ADAM23: variants seen among roughly 807,000 people sequenced by gnomAD.
ADAM23 encodes disintegrin and metalloproteinase domain-containing protein 23.
ADAM23 carries 33 observed loss-of-function variants against 120.1 expected under a neutral mutation model. The ratio of observed to expected loss-of-function variants is 0.27; its 90% CI spans 0.21 to 0.37. The LOEUF is 0.37. Ranked by LOEUF, ADAM23 falls within the 10% of genes least tolerant of loss-of-function variation. The probability of loss-of-function intolerance (pLI) is 1.00; values close to 1 mark genes in which losing one functional copy is unlikely to be tolerated. For synonymous variants in ADAM23, 367 were observed against 375.2 expected, an observed-to-expected ratio of 0.98 and a Z score of 0.25; for missense variants, 862 against 1,058.2, an observed-to-expected ratio of 0.81 and a Z score of 2.57.
intron 21 of ADAM23, among the ~76,000 whole-genome samples, chr2:206,591,403 A>G (rs1698423579): frequency 6.6e-6 from 1 of 152,018 alleles, no homozygotes; most frequent in African/African-American, 2.4e-5. Context: ...TTCATGTATT[A>G]TTTTGTATTT....
chr2:206,449,587 G>A (rs1338379606), intron 2 of ADAM23, among the ~76,000 whole-genome samples: 1 of 152,158 alleles, frequency 6.6e-6, no homozygotes, highest in East Asian at 1.9e-4. Context: ...GGTCAATATG[G>A]TGAAACCCCA....
At chr2:206,507,173 T>C (rs547691290) in intron 3 of ADAM23, among the ~76,000 whole-genome samples, 1 of 152,254 alleles carries the variant, frequency 6.6e-6, no homozygotes, top group African/African-American at 2.4e-5. Flanking sequence ...ACATCCCATA[T>C]GATAAGTTGC....
At chr2:206,452,814 C>T (rs893676911) in intron 2 of ADAM23, among the ~76,000 whole-genome samples, 3 of 152,040 alleles carry the variant, frequency 2.0e-5, no homozygotes, top group Non-Finnish European at 4.4e-5. Context: ...CCTTGGGAGT[C>T]ATCTTTGACT....
At chr2:206,556,665 TATTA>T (rs1170875488) in intron 9 of ADAM23, among the ~76,000 whole-genome samples, 1 of 152,228 alleles carries the variant, frequency 6.6e-6, no homozygotes, top group East Asian at 1.9e-4. Context: ...AGAATTACTC[TATTA>T]ATTTACTTTT....
chr2:206,476,069 G>A (rs1695768421), intron 2 of ADAM23, among the ~76,000 whole-genome samples: 1 of 152,104 alleles, frequency 6.6e-6, no homozygotes, highest in African/African-American at 2.4e-5. Flanking sequence ...TCTGCTTACT[G>A]ACTTTTGCGG....
At chr2:206,502,602 A>G (rs1696412007) in intron 3 of ADAM23, among the ~76,000 whole-genome samples, 1 of 152,092 alleles carries the variant, frequency 6.6e-6, no homozygotes, top group African/African-American at 2.4e-5. Context: ...TTTCACATTT[A>G]TGCCATGTTA....
intron 4 of ADAM23, among the ~76,000 whole-genome samples, chr2:206,538,505 T>G (rs1697226319): frequency 6.6e-6 from 1 of 152,166 alleles, no homozygotes; most frequent in Non-Finnish European, 1.5e-5. Flanking sequence ...ATACACATTT[T>G]CTAGTTAAGG....
At chr2:206,468,794 G>C (rs1237010567) in intron 2 of ADAM23, among the ~76,000 whole-genome samples, 1 of 152,136 alleles carries the variant, frequency 6.6e-6, no homozygotes, top group African/African-American at 2.4e-5. Context: ...ACTGTTAATT[G>C]ATAAAGAAAA....
chr2:206,587,256 A>C (rs1290458056), intron 18 of ADAM23, 69 bp from the exon 19 acceptor site: 1 of 1,156,746 alleles, frequency 8.6e-7, no homozygotes, highest in South Asian at 1.4e-5. Context: ...CTTGCATTAT[A>C]TATAGTATGT....
At chr2:206,469,154 A>G (rs915590492) in intron 2 of ADAM23, among the ~76,000 whole-genome samples, 3 of 152,172 alleles carry the variant, frequency 2.0e-5, no homozygotes, top group African/African-American at 7.2e-5. Context: ...TCCAAACCAT[A>G]CCATAGTTTA....
At chr2:206,487,332 T>C (rs1696035719) in intron 3 of ADAM23, among the ~76,000 whole-genome samples, 1 of 152,088 alleles carries the variant, frequency 6.6e-6, no homozygotes, top group Admixed American at 6.6e-5. Flanking sequence ...CTGACTTTAG[T>C]AAGTGAGAAG....
chr2:206,498,344 C>A (rs1025643190), intron 3 of ADAM23, among the ~76,000 whole-genome samples: 1 of 152,060 alleles, frequency 6.6e-6, no homozygotes, highest in African/African-American at 2.4e-5. Context: ...AGAAATAATG[C>A]CGCATATCTA....
chr2:206,574,454 C>A (rs1289693752), intron 18 of ADAM23, among the ~76,000 whole-genome samples: 5 of 113,958 alleles, frequency 4.4e-5, no homozygotes, highest in African/African-American at 1.3e-4. Flanking sequence ...TTCCTAATTT[C>A]TCCTTCATAA....
intron 8 of ADAM23, among the ~76,000 whole-genome samples, chr2:206,548,563 C>T (rs1574526982): frequency 6.6e-6 from 1 of 152,174 alleles, no homozygotes; most frequent in Admixed American, 6.5e-5. Context: ...AAACTGATTA[C>T]GGTAGTCTCT....
chr2:206,561,507 TCTGA>T (rs1287837040), intron 12 of ADAM23, among the ~76,000 whole-genome samples: 2 of 152,182 alleles, frequency 1.3e-5, no homozygotes, highest in African/African-American at 4.8e-5. Flanking sequence ...TTAATCCTTC[TCTGA>T]CTTTTTTTTT....
intron 3 of ADAM23, among the ~76,000 whole-genome samples, chr2:206,505,165 T>A (rs72935489): frequency 0.046 from 7,023 of 152,180 alleles, 221 homozygotes; most frequent in Middle Eastern, 0.11. Flanking sequence ...AAAATGGTAG[T>A]TTAGATTTGG....
intron 17 of ADAM23, among the ~76,000 whole-genome samples, chr2:206,572,344 A>C (rs1285463836): frequency 6.6e-6 from 1 of 152,228 alleles, no homozygotes; most frequent in African/African-American, 2.4e-5. Flanking sequence ...GGACAGACAC[A>C]GTCTTCCATC....
At chr2:206,486,920 A>G (rs554396191) in intron 3 of ADAM23, among the ~76,000 whole-genome samples, 1 of 152,200 alleles carries the variant, frequency 6.6e-6, no homozygotes, top group African/African-American at 2.4e-5. Context: ...GGTGACCGCT[A>G]ATCTACATTC....
intron 2 of ADAM23, among the ~76,000 whole-genome samples, chr2:206,474,402 A>C (rs1182503011): frequency 6.6e-6 from 1 of 152,178 alleles, no homozygotes; most frequent in Non-Finnish European, 1.5e-5. Context: ...GTAAATGCAC[A>C]TTGGAATTTG....
Sources: gnomAD v4.1 joint callset for allele counts (sites outside exome capture counted in the v4.1 genomes callset) on GRCh38, gnomAD v4.1.1 for gene constraint, MANE v1.5 for transcripts, NCBI Gene and HGNC (gene_info 2026-07-23, HGNC 2026-07-21) for gene names.